SYTL5: variants seen among roughly 807,000 people sequenced by gnomAD.
SYTL5 encodes the protein synaptotagmin like 5.
SYTL5 carries 34 observed loss-of-function variants against 55.9 expected under a neutral mutation model. The observed-to-expected ratio is 0.61, with a 90% CI of 0.46 to 0.81. The LOEUF (loss-of-function observed/expected upper bound fraction) is 0.81, where lower values mean the gene tolerates loss of function less well. Ranked by LOEUF, SYTL5 falls within the 30% of genes least tolerant of loss-of-function variation. The pLI is 0.00. For missense variants in SYTL5, 637 were observed against 546.7 expected, an observed-to-expected ratio of 1.17 and a Z score of -1.65; for synonymous variants, 221 against 188.7, an observed-to-expected ratio of 1.17 and a Z score of -1.40.
chrX:38,033,066 A>G (rs756025676), intron 1 of SYTL5, among the ~76,000 whole-genome samples: 2 of 111,698 alleles, frequency 1.8e-5, no homozygotes, highest in Admixed American at 9.5e-5. Context: ...TGTGAGATCT[A>G]TTTAGGTTGA....
chrX:37,988,617 C>T, the SYTL5 span, among the ~76,000 whole-genome samples: 5 of 112,256 alleles, frequency 4.5e-5, no homozygotes, highest in Admixed American at 2.8e-4. Flanking sequence ...TATGAATGTT[C>T]AAAGTGTTCC....
chrX:38,085,670 A>G (rs1273002943), intron 6 of SYTL5, among the ~76,000 whole-genome samples: 1 of 111,618 alleles, frequency 9.0e-6, no homozygotes, highest in Non-Finnish European at 1.9e-5. Flanking sequence ...AGTGAGTTTT[A>G]GGATCTCTCA....
At chrX:37,923,886 T>C in the SYTL5 span, among the ~76,000 whole-genome samples, 2 of 111,502 alleles carry the variant, frequency 1.8e-5, no homozygotes, top group Non-Finnish European at 3.8e-5. Flanking sequence ...TCAAAAAACA[T>C]TGGTGTTATT....
chrX:37,965,024 A>C, the SYTL5 span, among the ~76,000 whole-genome samples: 3 of 110,695 alleles, frequency 2.7e-5, no homozygotes, highest in African/African-American at 9.8e-5. Flanking sequence ...TCTTTCCATA[A>C]AAACTCTAAA....
intron 6 of SYTL5, among the ~76,000 whole-genome samples, chrX:38,081,062 G>T (rs1012127073): frequency 1.8e-5 from 2 of 112,241 alleles, no homozygotes; most frequent in African/African-American, 6.5e-5. Flanking sequence ...TATAATGATC[G>T]TTCGGTGACT....
chrX:38,034,660 C>T (rs760279290), intron 2 of SYTL5, among the ~76,000 whole-genome samples: 1 of 112,005 alleles, frequency 8.9e-6, no homozygotes, highest in Non-Finnish European at 1.9e-5. Context: ...TTCATATCCA[C>T]TGTAGGCAGA....
intron 6 of SYTL5, among the ~76,000 whole-genome samples, chrX:38,078,664 G>A (rs1259529263): frequency 1.8e-5 from 2 of 112,247 alleles, no homozygotes; most frequent in African/African-American, 6.5e-5. Flanking sequence ...ATAATAGGGA[G>A]CATGGTCTCC....
the SYTL5 span, among the ~76,000 whole-genome samples, chrX:37,945,310 T>G: frequency 8.9e-6 from 1 of 112,330 alleles, no homozygotes; most frequent in African/African-American, 3.2e-5. Flanking sequence ...GATTTGATAC[T>G]AACTTTATGA....
At chrX:37,930,948 A>C in the SYTL5 span, among the ~76,000 whole-genome samples, 1 of 112,016 alleles carries the variant, frequency 8.9e-6, no homozygotes, top group East Asian at 2.8e-4. Flanking sequence ...ATGTTTGTTA[A>C]CATCACATTT....
chrX:37,921,711 C>T, the SYTL5 span, among the ~76,000 whole-genome samples: 1 of 111,526 alleles, frequency 9.0e-6, no homozygotes, highest in African/African-American at 3.3e-5. Flanking sequence ...ATTTCTATAC[C>T]ACAATATTTC....
chrX:38,011,495 G>A (rs954582825), intron 1 of SYTL5, among the ~76,000 whole-genome samples: 4 of 111,005 alleles, frequency 3.6e-5, no homozygotes, highest in Admixed American at 9.5e-5. Flanking sequence ...TTAGCCGGGC[G>A]CGGTGGCTGC....
intron 6 of SYTL5, among the ~76,000 whole-genome samples, chrX:38,083,141 C>A (rs1009361914): frequency 9.0e-6 from 1 of 111,412 alleles, no homozygotes; most frequent in African/African-American, 3.3e-5. Context: ...CTAATTGACC[C>A]AAGGCTTTTC....
At chrX:38,113,786 C>T (rs1045737302) in intron 13 of SYTL5, among the ~76,000 whole-genome samples, 4 of 111,480 alleles carry the variant, frequency 3.6e-5, no homozygotes, top group Non-Finnish European at 5.7e-5. Context: ...GGGGAGCCTT[C>T]GGGCTGCTAG....
chrX:38,050,675 A>T (rs1435826410), intron 2 of SYTL5, among the ~76,000 whole-genome samples: 1 of 111,654 alleles, frequency 9.0e-6, no homozygotes, highest in Admixed American at 9.5e-5. Flanking sequence ...TTTATCAGTC[A>T]ATATAGGTTA....
chrX:38,095,541 A>G (rs1011443920), intron 8 of SYTL5, among the ~76,000 whole-genome samples: 1 of 111,805 alleles, frequency 8.9e-6, no homozygotes, highest in Non-Finnish European at 1.9e-5. Flanking sequence ...ATTGCTCTGT[A>G]ACTTATATTT....
Position 38,120,373 on chromosome X carries a change from G to C in SYTL5, c.1612G>C (p.Asp538His). The C allele has an allele frequency of 8.3e-7, 1 of 1,208,117 alleles. No individual in the cohort carries two copies. The highest frequency in any genetic ancestry group is 3.0e-5 in the East Asian group (1 of 33,738). ...CCTTGGCCAGGTGGAGTTTGCTCCT[G>C]ATATTGGCCTTCAATACAAAGGAGA... ...VLQPKVEFAPDIGLQYKGELT... is the reference protein window; with the variant it reads ...VLQPKVEFAPHIGLQYKGELT... The change falls in exon 14 of 17, where the codon GAT becomes CAT. Residue 538 changes from aspartate to histidine, a missense_variant. Physicochemically the swap from Asp to His is moderately conservative, Grantham distance 81 (BLOSUM62 -1). Transcript: ENST00000297875.
chrX:38,087,374 T>C (rs1040094036), intron 6 of SYTL5, among the ~76,000 whole-genome samples: 2 of 112,008 alleles, frequency 1.8e-5, no homozygotes, highest in Non-Finnish European at 3.8e-5. Context: ...TGTTGTCAAA[T>C]GTAGAAATGT....
the SYTL5 span, among the ~76,000 whole-genome samples, chrX:37,904,267 G>T: frequency 3.6e-5 from 3 of 83,580 alleles, no homozygotes; most frequent in Non-Finnish European, 6.8e-5. Flanking sequence ...GGGTGGTCCG[G>T]GGGGGGGGGT....
At chrX:37,983,021 C>T in the SYTL5 span, among the ~76,000 whole-genome samples, 1 of 109,919 alleles carries the variant, frequency 9.1e-6, no homozygotes, top group South Asian at 3.8e-4. Flanking sequence ...AAAGAAATGA[C>T]TAAGGAAATA....
Sources: allele counts gnomAD v4.1 joint callset (sites outside exome capture counted in the v4.1 genomes callset), GRCh38; gene constraint gnomAD v4.1.1; transcripts MANE v1.5; gene names NCBI Gene and HGNC (gene_info 2026-07-23, HGNC 2026-07-21).